The following MCUB variants were observed in gnomAD, a reference collection of about 807,000 sequenced individuals.
The protein encoded by MCUB is mitochondrial calcium uniporter dominant negative subunit beta, also known as calcium uniporter regulatory subunit MCUb, mitochondrial.
Under a neutral mutation model 41.4 loss-of-function variants are expected in MCUB, and 46 were observed. That is an observed-to-expected ratio of 1.11 (90% confidence interval 0.88 to 1.42). The LOEUF (loss-of-function observed/expected upper bound fraction) is 1.42. MCUB is among the 40% of genes most tolerant of loss of function. MCUB has a pLI of 0.00. For missense variants in MCUB, 403 were observed against 404.9 expected (o/e 1.00, Z 0.04); for synonymous variants, 148 against 148.2 (o/e 1.00, Z 0.01).
intron 1 of MCUB, among the ~76,000 whole-genome samples, chr4:109,610,639 C>T (rs994205073): frequency 2.0e-5 from 3 of 152,054 alleles, no homozygotes; most frequent in African/African-American, 7.2e-5. Context: ...AACAGTCACG[C>T]GTCTTTTAAC....
chr4:109,644,647 A>G (rs373569321), intron 1 of MCUB, among the ~76,000 whole-genome samples: 60 of 152,332 alleles, frequency 3.9e-4, no homozygotes, highest in African/African-American at 1.3e-3. Context: ...AAAAGGAGAA[A>G]ATAAATCACC....
At chr4:109,677,354 G>A (rs1248346320) in intron 4 of MCUB, among the ~76,000 whole-genome samples, 1 of 152,118 alleles carries the variant, frequency 6.6e-6, no homozygotes, top group Non-Finnish European at 1.5e-5. Context: ...CTAGATTCTT[G>A]CCCATATCTG....
chr4:109,623,245 C>G (rs191948815), intron 1 of MCUB, among the ~76,000 whole-genome samples: 1 of 152,096 alleles, frequency 6.6e-6, no homozygotes, highest in Non-Finnish European at 1.5e-5. Flanking sequence ...TTGATAATAT[C>G]GAAAAATTAC....
chr4:109,684,506 G>A lies in MCUB; in HGVS notation c.676G>A (p.Ala226Thr), dbSNP rs1370925554. Residue 226 changes from alanine (A) to threonine (T), a missense_variant, in exon 6 of 8, where the codon GCA becomes ACA. Coordinates refer to ENST00000394650, the MANE Select transcript of MCUB (RefSeq NM_017918.5). ...CAGTGGACTCCTGTGGGCTGGATTGGCACTGCTGTCCATTCAGGGTGGGGC... is the reference window on the plus strand; with the variant it reads ...CAGTGGACTCCTGTGGGCTGGATTGACACTGCTGTCCATTCAGGGTGGGGC... ...KTSGLLWAGL[A>T]LLSIQGGALA... 17 of 1,613,880 alleles carry A rather than the reference G, an allele frequency of 1.1e-5. No homozygotes were observed. The highest frequency in any genetic ancestry group is 5.0e-5 in the Admixed American group (3 of 59,976).
chr4:109,610,399 C>T (rs1317727523), intron 1 of MCUB, among the ~76,000 whole-genome samples: 2 of 152,120 alleles, frequency 1.3e-5, no homozygotes, highest in East Asian at 1.9e-4. Flanking sequence ...TTTCTCTGCC[C>T]CTCTCCTATT....
intron 4 of MCUB, among the ~76,000 whole-genome samples, chr4:109,681,769 G>T (rs961001494): frequency 6.6e-6 from 1 of 152,250 alleles, no homozygotes; most frequent in Non-Finnish European, 1.5e-5. Context: ...GGATCCGGAA[G>T]AATGTAAGTC....
chr4:109,612,122 T>G (rs577685293), intron 1 of MCUB, among the ~76,000 whole-genome samples: 1 of 152,322 alleles, frequency 6.6e-6, no homozygotes, highest in African/African-American at 2.4e-5. Context: ...TCCCGGAGGC[T>G]GGAAAGTCCA....
chr4:109,645,598 A>G (rs1445916005), intron 1 of MCUB, among the ~76,000 whole-genome samples: 2 of 151,578 alleles, frequency 1.3e-5, no homozygotes, highest in East Asian at 3.9e-4. Flanking sequence ...CCACCTCCCA[A>G]CCCTCTATTT....
intron 1 of MCUB, among the ~76,000 whole-genome samples, chr4:109,630,615 C>T (rs1430699688): frequency 6.6e-6 from 1 of 151,824 alleles, no homozygotes; most frequent in African/African-American, 2.4e-5. Context: ...ATTTTTTGCT[C>T]TTATTGCCCA....
intron 1 of MCUB, among the ~76,000 whole-genome samples, chr4:109,646,100 C>T (rs926921403): frequency 1.3e-5 from 2 of 152,008 alleles, no homozygotes; most frequent in African/African-American, 2.4e-5. Flanking sequence ...GTCTTCTCAT[C>T]ATCACTTCCC....
intron 1 of MCUB, among the ~76,000 whole-genome samples, chr4:109,606,539 A>G (rs1049438033): frequency 1.3e-5 from 2 of 148,674 alleles, no homozygotes; most frequent in Non-Finnish European, 3.0e-5. Context: ...TATTTTTTTT[A>G]TTTGAGTTTA....
intron 4 of MCUB, among the ~76,000 whole-genome samples, chr4:109,666,531 T>C (rs1729348893): frequency 6.7e-6 from 1 of 148,358 alleles, no homozygotes; most frequent in Admixed American, 6.7e-5. Context: ...TAATTTGTAG[T>C]TTCTTAATGA....
chr4:109,613,933 A>T (rs1728072489), intron 1 of MCUB, among the ~76,000 whole-genome samples: 1 of 152,186 alleles, frequency 6.6e-6, no homozygotes. Flanking sequence ...ATTGAAGTTG[A>T]TATAATCCAC....
intron 1 of MCUB, among the ~76,000 whole-genome samples, chr4:109,656,057 A>G (rs1192216499): frequency 6.6e-6 from 1 of 152,066 alleles, no homozygotes; most frequent in Non-Finnish European, 1.5e-5. Flanking sequence ...TGGGTGCTAC[A>G]GTTACTTCTT....
At chr4:109,589,532 A>G (rs1399149010) in intron 1 of MCUB, among the ~76,000 whole-genome samples, 1 of 152,154 alleles carries the variant, frequency 6.6e-6, no homozygotes, top group East Asian at 1.9e-4. Flanking sequence ...TATAAATAAC[A>G]TTCGTTTTAC....
chr4:109,684,109 CTGGAGTGCAG>C (rs199500207), intron 5 of MCUB, among the ~76,000 whole-genome samples: 3,252 of 149,726 alleles, frequency 0.022, 109 homozygotes, highest in African/African-American at 0.077. Context: ...GTCGCCCAGG[CTGGAGTGCAG>C]TGGAGTGATC....
chr4:109,583,160 G>C lies in MCUB; in HGVS notation c.99+22724G>C, dbSNP rs545335544. ...TCTATAAATTACCTTGGGCGGTACGGCCATTTTCATGATACTGATTCTTCC... is the reference window on the plus strand; with the variant it reads ...TCTATAAATTACCTTGGGCGGTACGCCCATTTTCATGATACTGATTCTTCC... On this transcript the variant is annotated intron_variant, in intron 1 of 7. Coordinates refer to ENST00000394650, the MANE Select transcript of MCUB (RefSeq NM_017918.5). 7.6e-4 allele frequency among the ~76,000 whole-genome samples: 116 copies of C among 152,222 alleles called. 1 individual carries two copies. In the Middle Eastern group the frequency reaches 0.01, roughly 13 times the overall value.
At chr4:109,608,219 G>C (rs981820778) in intron 1 of MCUB, among the ~76,000 whole-genome samples, 3 of 152,058 alleles carry the variant, frequency 2.0e-5, no homozygotes, top group African/African-American at 7.2e-5. Context: ...TTCAACTCCA[G>C]AATTTCTGCT....
intron 1 of MCUB, among the ~76,000 whole-genome samples, chr4:109,612,834 C>A (rs567050558): frequency 1.3e-5 from 2 of 152,006 alleles, no homozygotes; most frequent in Non-Finnish European, 2.9e-5. Context: ...AGGCCGGGTG[C>A]GGTGTCTCAC....
Sources: allele counts gnomAD v4.1 joint callset (sites outside exome capture counted in the v4.1 genomes callset), GRCh38; gene constraint gnomAD v4.1.1; transcripts MANE v1.5; gene names NCBI Gene and HGNC (gene_info 2026-07-23, HGNC 2026-07-21).